The following GALNTL6 variants were observed in gnomAD, a reference collection of about 807,000 sequenced individuals.
GALNTL6 encodes polypeptide N-acetylgalactosaminyltransferase like 6.
GALNTL6 carries 46 observed loss-of-function variants against 73.7 expected under a neutral mutation model. The observed-to-expected ratio is 0.62, with a 90% CI of 0.49 to 0.80. The LOEUF is 0.80. GALNTL6 is among the 30% of genes least tolerant of loss of function. GALNTL6 has a pLI of 0.00. For synonymous variants in GALNTL6, 259 were observed against 263.7 expected, an observed-to-expected ratio of 0.98 and a Z score of 0.17; for missense variants, 604 against 755.0, an observed-to-expected ratio of 0.80 and a Z score of 2.34.
chr4:171,864,484 G>T lies in GALNTL6; in HGVS notation c.138+49766G>T, dbSNP rs114755477. On this transcript the variant is annotated intron_variant, in intron 2 of 12. Coordinates refer to ENST00000506823, the MANE Select transcript of GALNTL6 (RefSeq NM_001034845.3). ...GGGTACATACAGATTAAACAAGAAG[G>T]TATGTCTATAGTGTAACAAAATAAC... 6.0e-3 allele frequency among the ~76,000 whole-genome samples: 909 copies of T among 152,208 alleles called. 7 individuals carry two copies. Among genetic ancestry groups the T allele is most frequent in the African/African-American group, 0.02 (812 of 41,532 alleles).
At chr4:172,926,008 A>C (rs1748039571) in intron 8 of GALNTL6, among the ~76,000 whole-genome samples, 1 of 152,160 alleles carries the variant, frequency 6.6e-6, no homozygotes, top group African/African-American at 2.4e-5. Context: ...TTACTTACCC[A>C]TTTGGGCTGC....
chr4:171,826,921 A>T (rs146480191), intron 2 of GALNTL6, among the ~76,000 whole-genome samples: 3 of 152,104 alleles, frequency 2.0e-5, no homozygotes, highest in African/African-American at 7.2e-5. Flanking sequence ...TACATTTACC[A>T]GTATCCTTTA....
intron 11 of GALNTL6, among the ~76,000 whole-genome samples, chr4:173,013,902 G>T (rs1561086880): frequency 2.0e-5 from 3 of 152,094 alleles, no homozygotes; most frequent in Non-Finnish European, 2.9e-5. Context: ...CAAGAATTAG[G>T]AAGCACTCTT....
intron 2 of GALNTL6, among the ~76,000 whole-genome samples, chr4:171,878,930 G>A (rs1307839314): frequency 6.6e-6 from 1 of 152,084 alleles, no homozygotes; most frequent in Non-Finnish European, 1.5e-5. Context: ...TATGTAAAAC[G>A]TGTCTATTTC....
rs1425117769 is a variant in GALNTL6 at position 172,619,761 on chromosome 4, C to T, written c.554-189600C>T. On this transcript the variant is annotated intron_variant, in intron 5 of 12. Transcript: ENST00000506823. The stretch of plus-strand genomic sequence containing the variant: ...TGAAGTTTTGAGATTTAATGACTGT[C>T]AGATAACATAACAATATCCCGGAGT... Among the ~76,000 whole-genome samples the T allele has an allele frequency of 4.6e-5, 7 of 152,272 alleles. No individual in the cohort carries two copies. The East Asian group carries it at 1.2e-3, about 25-fold the overall frequency.
At chr4:172,386,990 T>C (rs1743495547) in intron 5 of GALNTL6, among the ~76,000 whole-genome samples, 1 of 152,166 alleles carries the variant, frequency 6.6e-6, no homozygotes, top group South Asian at 2.1e-4. Context: ...TCAATGCCTA[T>C]TGAAGCATTA....
At chr4:172,490,066 A>G (rs1193595864) in intron 5 of GALNTL6, among the ~76,000 whole-genome samples, 1 of 152,196 alleles carries the variant, frequency 6.6e-6, no homozygotes, top group Non-Finnish European at 1.5e-5. Context: ...AGCAGCATCT[A>G]GAGACCAATT....
chr4:172,178,789 A>T (rs1380965639), intron 2 of GALNTL6, among the ~76,000 whole-genome samples: 1 of 110,452 alleles, frequency 9.1e-6, no homozygotes. Flanking sequence ...ATATCTCCCA[A>T]TGCTATCCCT....
intron 2 of GALNTL6, among the ~76,000 whole-genome samples, chr4:172,113,622 C>G (rs188898808): frequency 6.6e-6 from 1 of 152,162 alleles, no homozygotes; most frequent in Admixed American, 6.5e-5. Context: ...AAATCAAAGA[C>G]ATGTTTATAC....
chr4:171,915,706 A>G (rs1737597570), intron 2 of GALNTL6, among the ~76,000 whole-genome samples: 1 of 152,136 alleles, frequency 6.6e-6, no homozygotes. Flanking sequence ...GTAGTATTTC[A>G]TTTTTTGCTA....
At chr4:172,325,323 A>T (rs190974741) in intron 4 of GALNTL6, among the ~76,000 whole-genome samples, 1 of 151,982 alleles carries the variant, frequency 6.6e-6, no homozygotes, top group African/African-American at 2.4e-5. Flanking sequence ...ATAAAACATT[A>T]AATTTGTAAT....
intron 2 of GALNTL6, among the ~76,000 whole-genome samples, chr4:172,099,475 T>C (rs1303719965): frequency 2.6e-5 from 4 of 152,124 alleles, no homozygotes; most frequent in Non-Finnish European, 4.4e-5. Context: ...CAATGTAGCC[T>C]TTTTTACATT....
At chr4:171,916,163 G>A (rs1289405329) in intron 2 of GALNTL6, among the ~76,000 whole-genome samples, 1 of 151,800 alleles carries the variant, frequency 6.6e-6, no homozygotes, top group Non-Finnish European at 1.5e-5. Context: ...GATTTGTTGA[G>A]ATAGATATGA....
At chr4:172,519,092 G>GTA (rs1462730047) in intron 5 of GALNTL6, among the ~76,000 whole-genome samples, 1 of 143,862 alleles carries the variant, frequency 7.0e-6, no homozygotes, top group Non-Finnish European at 1.5e-5. Flanking sequence ...GAACTTATAT[G>GTA]TATATACACA....
intron 10 of GALNTL6, among the ~76,000 whole-genome samples, chr4:172,969,188 C>G (rs868066225): frequency 6.6e-6 from 1 of 151,882 alleles, no homozygotes; most frequent in Middle Eastern, 3.4e-3. Context: ...AAGAAAGAAA[C>G]AGTATTTCAG....
chr4:172,341,417 C>G (rs1440543906), intron 4 of GALNTL6, among the ~76,000 whole-genome samples: 1 of 143,122 alleles, frequency 7.0e-6, no homozygotes, highest in Admixed American at 7.1e-5. Context: ...CGCCACTGCA[C>G]TCCAGCCTGG....
intron 5 of GALNTL6, among the ~76,000 whole-genome samples, chr4:172,583,502 T>G (rs183777096): frequency 6.6e-6 from 1 of 152,316 alleles, no homozygotes; most frequent in African/African-American, 2.4e-5. Flanking sequence ...ATATCTAAAG[T>G]TACAGAGCTA....
chr4:171,905,823 C>T (rs974297991), intron 2 of GALNTL6, among the ~76,000 whole-genome samples: 1 of 151,634 alleles, frequency 6.6e-6, no homozygotes, highest in African/African-American at 2.4e-5. Flanking sequence ...CAAACTAGAA[C>T]TCAGGATTAA....
intron 6 of GALNTL6, among the ~76,000 whole-genome samples, chr4:172,812,426 G>A (rs1371164420): frequency 6.6e-6 from 1 of 152,084 alleles, no homozygotes; most frequent in Non-Finnish European, 1.5e-5. Context: ...AAGAAGTTCT[G>A]CCCATTAGAC....
Sources: gnomAD v4.1 joint callset for allele counts (sites outside exome capture counted in the v4.1 genomes callset) on GRCh38, gnomAD v4.1.1 for gene constraint, MANE v1.5 for transcripts, NCBI Gene and HGNC (gene_info 2026-07-23, HGNC 2026-07-21) for gene names.